Variants in NEDD9 observed in about 807,000 individuals in gnomAD.
NEDD9 encodes the protein enhancer of filamentation 1.
Under a neutral mutation model 76.6 loss-of-function variants are expected in NEDD9, and 26 were observed. The ratio of observed to expected loss-of-function variants is 0.34; its 90% CI spans 0.25 to 0.47. NEDD9 has a LOEUF of 0.47. Among genes scored for constraint, NEDD9 ranks in the 20% least tolerant of loss-of-function variants. The pLI is 1.00. For missense variants in NEDD9, 937 were observed against 1,058.5 expected, an observed-to-expected ratio of 0.89 and a Z score of 1.59; for synonymous variants, 392 against 414.2, an observed-to-expected ratio of 0.95 and a Z score of 0.65.
chr6:11,218,274 T>C (rs1371237493), intron 1 of NEDD9, among the ~76,000 whole-genome samples: 2 of 152,038 alleles, frequency 1.3e-5, no homozygotes, highest in Non-Finnish European at 2.9e-5. Flanking sequence ...GCTGTGTCTC[T>C]TCATGACCTG....
At chr6:11,201,074 C>T in intron 2 of NEDD9, 1 of 1,614,116 alleles carries the variant, frequency 6.2e-7, no homozygotes, top group Non-Finnish European at 8.5e-7. Context: ...TCTGTCAAGA[C>T]AAGTTCTGCT....
At chr6:11,316,891 G>C (rs1761581135) in intron 2 of NEDD9, among the ~76,000 whole-genome samples, 2 of 152,344 alleles carry the variant, frequency 1.3e-5, no homozygotes, top group Admixed American at 6.5e-5. Flanking sequence ...ATGGATGCTA[G>C]TATCATTCTG....
intron 1 of NEDD9, among the ~76,000 whole-genome samples, chr6:11,343,953 C>T (rs1762319827): frequency 6.6e-6 from 1 of 152,104 alleles, no homozygotes; most frequent in African/African-American, 2.4e-5. Flanking sequence ...TAAAGGTAAC[C>T]AGATATCTGT....
At chr6:11,244,494 C>G (rs796802338) in intron 3 of NEDD9, among the ~76,000 whole-genome samples, 54 of 152,300 alleles carry the variant, frequency 3.5e-4, no homozygotes, top group African/African-American at 1.3e-3. Context: ...CAAGGCACAT[C>G]AATATTTAAA....
At chr6:11,232,841 TAAAAC>T (rs1759523882), upstream of NEDD9, among the ~76,000 whole-genome samples, 1 of 152,022 alleles carries the variant, frequency 6.6e-6, no homozygotes, top group Non-Finnish European at 1.5e-5. Flanking sequence ...CGGTGGAAAA[TAAAAC>T]AGAAAGTGGG....
At chr6:11,278,520 G>A (rs1760465385) in intron 3 of NEDD9, among the ~76,000 whole-genome samples, 2 of 152,154 alleles carry the variant, frequency 1.3e-5, no homozygotes, top group Non-Finnish European at 2.9e-5. Context: ...ACATTGCTGA[G>A]GTACAGCTAA....
intron 3 of NEDD9, among the ~76,000 whole-genome samples, chr6:11,283,635 T>C (rs1175146695): frequency 6.6e-6 from 1 of 152,186 alleles, no homozygotes; most frequent in Non-Finnish European, 1.5e-5. Flanking sequence ...GAGGAAAGAT[T>C]TGGGATCTAA....
rs1369205309 is a variant in NEDD9, at chr6:11,312,258, C to T, written c.-152-6103G>A. Among the ~76,000 whole-genome samples the T allele has an allele frequency of 2.0e-5, 3 of 152,110 alleles. No individual in the cohort carries two copies. In the East Asian group the frequency reaches 5.8e-4, roughly 29 times the overall value. On this transcript the variant is annotated intron_variant, in intron 2 of 3. Transcript: ENST00000397378. ...AATGGATATTTTCAGCTTTGGTCTCCTCTCAGTGAATGGCACCACCACCCA... is the reference window on the plus strand; with the variant it reads ...AATGGATATTTTCAGCTTTGGTCTCTTCTCAGTGAATGGCACCACCACCCA...
At chr6:11,359,375 T>C (rs1582048685) in intron 1 of NEDD9, among the ~76,000 whole-genome samples, 2 of 152,228 alleles carry the variant, frequency 1.3e-5, no homozygotes, top group East Asian at 3.8e-4. Flanking sequence ...TGGATTTCTC[T>C]GAGTAAGAGG....
intron 3 of NEDD9, among the ~76,000 whole-genome samples, chr6:11,294,409 G>A (rs913049123): frequency 5.3e-5 from 8 of 152,046 alleles, no homozygotes; most frequent in Admixed American, 1.3e-4. Flanking sequence ...TCGTGATAGT[G>A]AGTAAGTTCT....
chr6:11,183,771 G>T lies in NEDD9; in HGVS notation c.*1391C>A, dbSNP rs1462862736. ...AGGCATATATTGCAAATAAAAACAT[G>T]TTTCCAAGTAGGCTGGAATAAAAAT... On this transcript the variant is annotated 3_prime_UTR_variant, in exon 7 of 7. Coordinates refer to ENST00000379446, the MANE Select transcript of NEDD9 (RefSeq NM_006403.4). 1 of 152,150 alleles carries T rather than the reference G, an allele frequency of 6.6e-6. No homozygotes were observed. The highest frequency in any genetic ancestry group is 1.5e-5 in the Non-Finnish European group (1 of 68,024). 9.4% of individuals were successfully genotyped at this position (152,150 alleles called of 1,614,324 possible). A position where few individuals can be genotyped will look rare whatever the true frequency, so the allele number is the denominator to read the frequency against.
chr6:11,305,699 T>C (rs2113419484), intron 3 of NEDD9, among the ~76,000 whole-genome samples: 1 of 152,302 alleles, frequency 6.6e-6, no homozygotes. Context: ...ACTTCCAGGC[T>C]TGCTCGGGCA....
chr6:11,368,603 C>G (rs568152321), intron 1 of NEDD9, among the ~76,000 whole-genome samples: 1 of 152,304 alleles, frequency 6.6e-6, no homozygotes, highest in East Asian at 1.9e-4. Context: ...TAAAGGAAAG[C>G]TAACTTTAAA....
intron 3 of NEDD9, among the ~76,000 whole-genome samples, chr6:11,299,950 TCTC>T (rs1382300598): frequency 1.3e-5 from 2 of 152,004 alleles, no homozygotes; most frequent in East Asian, 3.9e-4. Context: ...GAGTGCCTCT[TCTC>T]CTCCAAAGGA....
At chr6:11,210,473 G>A (rs6928520) in intron 2 of NEDD9, among the ~76,000 whole-genome samples, 9,291 of 152,124 alleles carry the variant, frequency 0.061, 728 homozygotes, top group African/African-American at 0.17. Context: ...TGAGCAAATT[G>A]CTTTATTAAG....
At chr6:11,294,702 T>C (rs1760851606) in intron 3 of NEDD9, among the ~76,000 whole-genome samples, 1 of 152,184 alleles carries the variant, frequency 6.6e-6, no homozygotes, top group Non-Finnish European at 1.5e-5. Flanking sequence ...GTGGGTTCCC[T>C]TTTCCCATAT....
intron 2 of NEDD9, among the ~76,000 whole-genome samples, chr6:11,195,438 C>G (rs1758267407): frequency 6.7e-6 from 1 of 148,848 alleles, no homozygotes; most frequent in Admixed American, 6.9e-5. Flanking sequence ...ACAATGTGTT[C>G]CTAATGCCCT....
chr6:11,322,955 T>C (rs1761842846), intron 2 of NEDD9, among the ~76,000 whole-genome samples: 1 of 152,268 alleles, frequency 6.6e-6, no homozygotes, highest in South Asian at 2.1e-4. Context: ...AAGTTACTTA[T>C]TAATTCCCGG....
chr6:11,286,271 C>A (rs1760647628), intron 3 of NEDD9, among the ~76,000 whole-genome samples: 1 of 152,080 alleles, frequency 6.6e-6, no homozygotes, highest in Non-Finnish European at 1.5e-5. Flanking sequence ...TAGAGAAATG[C>A]AAATTAAAGC....
Sources: gnomAD v4.1 joint callset for allele counts (sites outside exome capture counted in the v4.1 genomes callset) on GRCh38, gnomAD v4.1.1 for gene constraint, MANE v1.5 for transcripts, NCBI Gene and HGNC (gene_info 2026-07-23, HGNC 2026-07-21) for gene names.